CDIN1: variants seen among roughly 807,000 people sequenced by gnomAD.
CDIN1 encodes CDAN1 interacting nuclease 1, also known as CDAN1-interacting nuclease 1.
A neutral mutation model predicts 45.3 loss-of-function variants in CDIN1; 33 were observed. The ratio of observed to expected loss-of-function variants is 0.73; its 90% CI spans 0.55 to 0.97. The LOEUF is 0.97. Ranked by LOEUF, CDIN1 falls within the 50% of genes least tolerant of loss-of-function variation. The pLI is 0.00. For synonymous variants in CDIN1, 118 were observed against 124.4 expected (o/e 0.95, Z 0.34); for missense variants, 303 against 339.4 (o/e 0.89, Z 0.84).
chr15:36,675,685 G>C (rs1272609249), intron 5 of CDIN1, among the ~76,000 whole-genome samples: 1 of 152,130 alleles, frequency 6.6e-6, no homozygotes, highest in Non-Finnish European at 1.5e-5. Context: ...ATCATTTAAT[G>C]ATATACGGAT....
intron 1 of CDIN1, among the ~76,000 whole-genome samples, chr15:36,591,121 CGTGGT>C (rs2037550411): frequency 6.6e-6 from 1 of 151,888 alleles, no homozygotes; most frequent in African/African-American, 2.4e-5. Context: ...TAGCTGATGA[CGTGGT>C]TCTATAGGGC....
At chr15:36,754,562 C>G (rs1211977037) in intron 10 of CDIN1, among the ~76,000 whole-genome samples, 1 of 126,216 alleles carries the variant, frequency 7.9e-6, no homozygotes, top group Non-Finnish European at 1.6e-5. Context: ...TTGATGGTCT[C>G]TCTTAAAAAA....
intron 3 of CDIN1, among the ~76,000 whole-genome samples, chr15:36,652,376 G>A (rs1434540912): frequency 6.6e-6 from 1 of 152,026 alleles, no homozygotes; most frequent in Non-Finnish European, 1.5e-5. Context: ...CCCAATATTG[G>A]TATAGGCTTA....
intron 3 of CDIN1, among the ~76,000 whole-genome samples, chr15:36,651,409 T>C (rs62002300): frequency 0.12 from 18,912 of 152,292 alleles, 1,184 homozygotes; most frequent in Middle Eastern, 0.17. Context: ...TTTCTAATTA[T>C]GTCTTTATGG....
intron 1 of CDIN1, among the ~76,000 whole-genome samples, chr15:36,581,031 T>C (rs756299203): frequency 1.3e-5 from 2 of 152,208 alleles, no homozygotes; most frequent in Non-Finnish European, 2.9e-5. Context: ...AATGAAGGAG[T>C]CTCTTTTCAA....
At chr15:36,764,186 G>A (rs2053849449) in intron 10 of CDIN1, among the ~76,000 whole-genome samples, 1 of 147,786 alleles carries the variant, frequency 6.8e-6, no homozygotes, top group Non-Finnish European at 1.5e-5. Context: ...GGCCTAATAA[G>A]CATTTTTATT....
intron 7 of CDIN1, among the ~76,000 whole-genome samples, chr15:36,693,581 A>G (rs1057363946): frequency 5.9e-5 from 9 of 152,210 alleles, no homozygotes; most frequent in African/African-American, 1.9e-4. Flanking sequence ...TTTTAAAAGC[A>G]TAATGTCTTT....
intron 5 of CDIN1, among the ~76,000 whole-genome samples, chr15:36,673,789 C>T (rs2041541379): frequency 6.6e-6 from 1 of 152,006 alleles, no homozygotes; most frequent in African/African-American, 2.4e-5. Context: ...AAGGCTTCCA[C>T]ATTTGAACAA....
intron 10 of CDIN1, among the ~76,000 whole-genome samples, chr15:36,726,591 T>G (rs1239291930): frequency 3.9e-5 from 6 of 152,234 alleles, no homozygotes; most frequent in Admixed American, 2.0e-4. Flanking sequence ...TGAAAACTGC[T>G]TTTCACTTAA....
intron 10 of CDIN1, among the ~76,000 whole-genome samples, chr15:36,741,685 T>G (rs1438409692): frequency 2.0e-5 from 3 of 152,084 alleles, no homozygotes; most frequent in Non-Finnish European, 2.9e-5. Flanking sequence ...GTCCCTAGCT[T>G]GTAGAAGGGC....
chr15:36,730,092 T>C (rs1048134944), intron 10 of CDIN1, among the ~76,000 whole-genome samples: 1 of 152,204 alleles, frequency 6.6e-6, no homozygotes, highest in Non-Finnish European at 1.5e-5. Flanking sequence ...TATAAATACA[T>C]TGACCTATTC....
chr15:36,727,376 T>C (rs2043672882), intron 10 of CDIN1, among the ~76,000 whole-genome samples: 1 of 151,670 alleles, frequency 6.6e-6, no homozygotes, highest in African/African-American at 2.4e-5. Flanking sequence ...ACACACTTTT[T>C]CCCCCTCAGC....
intron 10 of CDIN1, among the ~76,000 whole-genome samples, chr15:36,787,371 A>G (rs2890822): frequency 0.49 from 73,813 of 152,082 alleles, 19,123 homozygotes; most frequent in Middle Eastern, 0.69. Flanking sequence ...CAAGCATTTC[A>G]GTGTAATATT....
chr15:36,759,844 A>C (rs988011100), intron 10 of CDIN1, among the ~76,000 whole-genome samples: 1 of 152,138 alleles, frequency 6.6e-6, no homozygotes, highest in African/African-American at 2.4e-5. Flanking sequence ...ACACATTTTT[A>C]AACAACCAGA....
chr15:36,636,341 A>T (rs1331133736), intron 1 of CDIN1, among the ~76,000 whole-genome samples: 3 of 152,158 alleles, frequency 2.0e-5, no homozygotes, highest in Admixed American at 6.5e-5. Context: ...TCATGAGGTC[A>T]GGAGATCGAG....
chr15:36,619,348 G>T, intron 1 of CDIN1: 1 of 466,536 alleles, frequency 2.1e-6, no homozygotes, highest in East Asian at 3.5e-5. Context: ...GTTTTGGAGG[G>T]GAGAGGGTAA....
chr15:36,682,682 G>C (rs753301197), intron 5 of CDIN1, among the ~76,000 whole-genome samples: 2 of 145,954 alleles, frequency 1.4e-5, no homozygotes, highest in Non-Finnish European at 3.0e-5. Context: ...AGATGGGAGG[G>C]TATATTGAGC....
chr15:36,742,999 A>G (rs1378059489), intron 10 of CDIN1, among the ~76,000 whole-genome samples: 4 of 152,236 alleles, frequency 2.6e-5, no homozygotes, highest in Non-Finnish European at 5.9e-5. Flanking sequence ...TAGGTAACCT[A>G]TTAAAAGGCA....
chr15:36,628,432 T>G (rs190809417), intron 1 of CDIN1, among the ~76,000 whole-genome samples: 1 of 152,338 alleles, frequency 6.6e-6, no homozygotes, highest in East Asian at 1.9e-4. Flanking sequence ...AGTTTGTTCA[T>G]CCATTATTAA....
Sources: gnomAD v4.1 joint callset for allele counts (sites outside exome capture counted in the v4.1 genomes callset) on GRCh38, gnomAD v4.1.1 for gene constraint, MANE v1.5 for transcripts, NCBI Gene and HGNC (gene_info 2026-07-23, HGNC 2026-07-21) for gene names.